Variants in PZP observed in about 807,000 individuals in gnomAD.
PZP encodes pregnancy zone protein.
PZP carries 150 observed loss-of-function variants against 179.8 expected under a neutral mutation model. That is an observed-to-expected ratio of 0.83 (90% confidence interval 0.73 to 0.96). The LOEUF (loss-of-function observed/expected upper bound fraction) is 0.96. PZP is among the 40% of genes least tolerant of loss of function. The pLI, the probability that PZP is intolerant of heterozygous loss-of-function variation, is 0.00. For missense variants in PZP, 1,689 were observed against 1,764.0 expected (o/e 0.96, Z 0.76); for synonymous variants, 624 against 652.3 (o/e 0.96, Z 0.66).
rs998401929 is a variant in PZP at position 9,164,211 on chromosome 12, T to A, written c.2536A>T (p.Thr846Ser). Reference protein sequence around the residue: ...ASPAFLASQNTKGEESYCICG... With the variant: ...ASPAFLASQNSKGEESYCICG... ...ATACAATAGGATTCTTCTCCCTTTGTATTTTGGGAAGCTAGGAAGGCTGGA... is the reference window on the plus strand; with the variant it reads ...ATACAATAGGATTCTTCTCCCTTTGAATTTTGGGAAGCTAGGAAGGCTGGA... The change falls in exon 20 of 36, where the codon ACA (threonine) becomes TCA (serine). Residue 846 changes from threonine (T) to serine (S), a missense_variant. By Grantham distance (58) the Thr-to-Ser change is moderately conservative. This residue lies in a region of PZP where 201 missense variants were observed against 284.2 expected (regional missense o/e 0.71). Coordinates refer to ENST00000261336, the MANE Select transcript of PZP (RefSeq NM_002864.3). 2.5e-6 allele frequency: 4 copies of A among 1,611,604 alleles called. No individual in the cohort carries two copies. The African/African-American group carries it at 5.3e-5, about 22-fold the overall frequency.
chr12:9,149,571 G>A lies in PZP; in HGVS notation c.4416C>T (p.Pro1472=), dbSNP rs373508497. The stretch of plus-strand genomic sequence containing the variant: ...GTGGTGAACTCTTACCTGTGCTGCA[G>A]GGGGCGATATACTCAGCAACCACAG... ...DESVVAEYIA[P]CSTDTEHGNV The change falls in exon 35 of 36, where the codon CCC becomes CCT. Residue 1472 remains proline, a synonymous_variant. Coordinates refer to ENST00000261336, the MANE Select transcript of PZP (RefSeq NM_002864.3). 5 of 1,612,738 alleles carry A rather than the reference G, an allele frequency of 3.1e-6. No individual in the cohort carries two copies. The African/African-American group carries it at 5.3e-5, about 17-fold the overall frequency.
chr12:9,159,950 TG>T lies in PZP; in HGVS notation c.3124del (p.Gln1042ArgfsTer11). ...TTTTCTTTCTTACCAAGTGTTGCCC[TG>T]GTTCCTGCCATATCGTTCCCCAAAG... ...STFGERYGRNQGNTWLTAFVL... is the reference protein window; with the variant it reads ...STFGERYGRNXGNTWLTAFVL... On this transcript the variant is annotated frameshift_variant, in exon 25 of 36. Transcript: ENST00000261336. LOFTEE classifies it high-confidence loss of function. 1 of 1,612,696 alleles carries T rather than the reference TG, an allele frequency of 6.2e-7. No individual in the cohort carries two copies. The highest frequency in any genetic ancestry group is 8.5e-7 in the Non-Finnish European group (1 of 1,178,712).
rs774708270 is a variant in PZP at position 9,162,642 on chromosome 12, C to T, written c.2743G>A (p.Gly915Ser). ...VIKTLLVEAEGIEQEKTFSSM... is the reference protein window; with the variant it reads ...VIKTLLVEAESIEQEKTFSSM... ...CTGAAAGTCTTTTCTTGCTCAATACCTTCAGCCTTGGATGAAAGGAAAGAA... is the reference window on the plus strand; with the variant it reads ...CTGAAAGTCTTTTCTTGCTCAATACTTTCAGCCTTGGATGAAAGGAAAGAA... Residue 915 changes from glycine to serine, a missense_variant, in exon 22 of 36, where the codon GGT becomes AGT. Gly to Ser is a moderately conservative substitution (Grantham distance 56). Around this residue, in one of 3 missense-constraint regions of PZP, gnomAD observed 746 missense variants for 749.2 expected, o/e 1.00. Transcript: ENST00000261336. 21 of 1,592,468 alleles carry T rather than the reference C, an allele frequency of 1.3e-5. No individual in the cohort carries two copies. The highest frequency in any genetic ancestry group is 3.3e-5 in the Admixed American group (2 of 59,810).
intron 13 of PZP, among the ~76,000 whole-genome samples, chr12:9,183,323 C>G (rs1273047927): frequency 6.6e-6 from 1 of 152,078 alleles, no homozygotes; most frequent in Non-Finnish European, 1.5e-5. Flanking sequence ...GAGATGATGG[C>G]CATGTTACTT....
chr12:9,207,944 A>G (rs769867904), intron 1 of PZP, among the ~76,000 whole-genome samples: 2 of 152,192 alleles, frequency 1.3e-5, no homozygotes, highest in African/African-American at 4.8e-5. Context: ...ACTTCACTAT[A>G]TATTTCGAAT....
At chr12:9,188,481 C>T (rs566456685) in intron 13 of PZP, among the ~76,000 whole-genome samples, 17 of 152,210 alleles carry the variant, frequency 1.1e-4, no homozygotes, top group Admixed American at 9.2e-4. Context: ...GATGTCCTCT[C>T]TCACCACTCC....
In PZP at chr12:9,168,854, A is replaced by G. The variant is rs1349299098; in HGVS notation, c.2107+15T>C. 1.2e-5 allele frequency: 19 copies of G among 1,578,460 alleles called. No individual in the cohort carries two copies. The highest frequency in any genetic ancestry group is 1.4e-5 in the Non-Finnish European group (16 of 1,149,452). Reference sequence around the variant, plus strand: ...TTGGACATGAAATAAAATTAAAAGCAAATTGCTGTTTTACCTCCATAGTAT... The same window carrying G: ...TTGGACATGAAATAAAATTAAAAGCGAATTGCTGTTTTACCTCCATAGTAT... On this transcript the variant is annotated intron_variant, in intron 17 of 35. Transcript: ENST00000261336.
the PZP span, among the ~76,000 whole-genome samples, chr12:9,143,322 G>A: frequency 6.6e-6 from 1 of 152,138 alleles, no homozygotes; most frequent in East Asian, 1.9e-4. Flanking sequence ...AGGCAGAGGT[G>A]GTTTGACTGG....
intron 13 of PZP, among the ~76,000 whole-genome samples, chr12:9,185,355 C>T (rs1283667338): frequency 6.6e-6 from 1 of 151,956 alleles, no homozygotes; most frequent in Non-Finnish European, 1.5e-5. Context: ...TGACTTTCTG[C>T]AATACAACAG....
intron 7 of PZP, among the ~76,000 whole-genome samples, chr12:9,198,774 G>A (rs747419870): frequency 7.9e-5 from 12 of 152,266 alleles, no homozygotes; most frequent in East Asian, 7.7e-4. Context: ...TAGAATCAAA[G>A]CAGCTTATTC....
chr12:9,199,374 A>G (rs1019171364), intron 7 of PZP, among the ~76,000 whole-genome samples: 20 of 152,194 alleles, frequency 1.3e-4, no homozygotes, highest in Non-Finnish European at 2.9e-5. Context: ...TATGGTATAC[A>G]TATGAAGAAA....
At chr12:9,137,345 G>A in the PZP span, among the ~76,000 whole-genome samples, 1 of 151,970 alleles carries the variant, frequency 6.6e-6, no homozygotes, top group African/African-American at 2.4e-5. Context: ...CCTTTTATGG[G>A]TGCATTTATT....
At chr12:9,203,035 G>C (rs969332857) in intron 2 of PZP, among the ~76,000 whole-genome samples, 1 of 152,146 alleles carries the variant, frequency 6.6e-6, no homozygotes, top group Non-Finnish European at 1.5e-5. Flanking sequence ...ACTTTAAAGA[G>C]GTACTAGGTG....
At chr12:9,163,552 A>G (rs763758769) in intron 21 of PZP, 116 bp downstream of exon 21, 1 of 1,201,242 alleles carries the variant, frequency 8.3e-7, no homozygotes, top group South Asian at 1.7e-5. Flanking sequence ...AGGAAATTCC[A>G]TTAGTCTTAC....
At position 9,165,100 on chromosome 12, in the gene PZP, G is replaced by A. The variant is rs191257406; in HGVS notation, c.2487+39C>T. 306 of 1,590,268 alleles carry A rather than the reference G, an allele frequency of 1.9e-4. 1 individual carries two copies. In the East Asian group the frequency reaches 6.7e-3, roughly 35 times the overall value. ...AGCTGACTGATCAAAGGAATCTTTT[G>A]TTCTACCCACCTTTCCTGTTCACCC... On this transcript the variant is annotated intron_variant, in intron 19 of 35. Transcript: ENST00000261336.
intron 2 of PZP, 117 bp from the exon 3 acceptor site, chr12:9,202,801 G>C: frequency 2.0e-6 from 2 of 978,908 alleles, no homozygotes; most frequent in South Asian, 1.7e-5. Flanking sequence ...AGGAAGGTGT[G>C]ACTATTTCTT....
chr12:9,203,054 G>A (rs1944255732), intron 2 of PZP, among the ~76,000 whole-genome samples: 1 of 152,144 alleles, frequency 6.6e-6, no homozygotes, highest in Admixed American at 6.5e-5. Flanking sequence ...TGTTTGCTTA[G>A]GGTATCCTGC....
At position 9,150,784 on chromosome 12, in the gene PZP, A is replaced by G. The variant is rs377483358; in HGVS notation, c.4282-38T>C. On this transcript the variant is annotated intron_variant, in intron 33 of 35. Coordinates refer to ENST00000261336, the MANE Select transcript of PZP (RefSeq NM_002864.3). Reference sequence around the variant, plus strand: ...GTGGGAGTAATCAAGAACCTAGAAAACCTCCTTCTTTCTCCCATGAGCAAA... The same window carrying G: ...GTGGGAGTAATCAAGAACCTAGAAAGCCTCCTTCTTTCTCCCATGAGCAAA... The G allele has an allele frequency of 1.1e-5, 15 of 1,341,570 alleles. No individual in the cohort carries two copies. The African/African-American group carries it at 2.0e-4, about 18-fold the overall frequency. The allele number at this position is 1,341,570 out of a possible 1,614,324, so 83.1% of individuals were successfully genotyped here.
downstream of PZP, among the ~76,000 whole-genome samples, chr12:9,145,273 G>A (rs747979235): frequency 2.6e-5 from 4 of 152,088 alleles, no homozygotes; most frequent in Non-Finnish European, 4.4e-5. Flanking sequence ...TGTCTTCCTT[G>A]TGTTTTATTG....
Sources: allele counts gnomAD v4.1 joint callset (sites outside exome capture counted in the v4.1 genomes callset), GRCh38; gene constraint gnomAD v4.1.1; regional missense constraint gnomAD v4.1.1; transcripts MANE v1.5; gene names NCBI Gene and HGNC (gene_info 2026-07-23, HGNC 2026-07-21).